FMNL2: variants seen among roughly 807,000 people sequenced by gnomAD.
The protein encoded by FMNL2 is formin-like protein 2.
In FMNL2, 51 loss-of-function variants were observed where a neutral mutation model predicts 130.2. That is an observed-to-expected ratio of 0.39 (90% CI 0.31 to 0.49). The LOEUF (loss-of-function observed/expected upper bound fraction) is 0.49, where lower values mean the gene tolerates loss of function less well. FMNL2 is among the 20% of genes least tolerant of loss of function. The pLI is 0.85. For missense variants in FMNL2, 977 were observed against 1,316.2 expected, an observed-to-expected ratio of 0.74 and a Z score of 3.99; for synonymous variants, 465 against 467.1, an observed-to-expected ratio of 1.00 and a Z score of 0.06.
chr2:152,401,694 C>T (rs1314312545), intron 1 of FMNL2, among the ~76,000 whole-genome samples: 1 of 152,020 alleles, frequency 6.6e-6, no homozygotes, highest in Admixed American at 6.5e-5. Flanking sequence ...CAGGTTGGGG[C>T]TTTTTTCCAT....
At chr2:152,402,055 A>G (rs575211228) in intron 1 of FMNL2, among the ~76,000 whole-genome samples, 328 of 151,946 alleles carry the variant, frequency 2.2e-3, no homozygotes, top group South Asian at 0.01. Flanking sequence ...CTACAGGCAC[A>G]TGCCACCCAG....
intron 8 of FMNL2, among the ~76,000 whole-genome samples, chr2:152,580,084 T>G (rs1696697437): frequency 6.6e-6 from 1 of 152,268 alleles, no homozygotes; most frequent in Non-Finnish European, 1.5e-5. Context: ...CTTCGTTTAC[T>G]AGAGTCCTAA....
intron 1 of FMNL2, among the ~76,000 whole-genome samples, chr2:152,520,980 T>G (rs1368979295): frequency 6.6e-6 from 1 of 152,144 alleles, no homozygotes; most frequent in Admixed American, 6.6e-5. Context: ...TAGGAATAGG[T>G]GTGACTTAGA....
At chr2:152,347,981 G>A (rs1682225161) in intron 1 of FMNL2, among the ~76,000 whole-genome samples, 1 of 150,134 alleles carries the variant, frequency 6.7e-6, no homozygotes, top group African/African-American at 2.5e-5. Context: ...TTAGGCCTGT[G>A]CTTTCTCTCC....
Position 152,456,643 on chromosome 2 carries a change from G to A in FMNL2, c.118-65300G>A, listed in dbSNP as rs1579708959. ...TTGTTACAATATGGAGAGAAGTGGT[G>A]TATTTTGAAAACATTTGGGGCCGGG... On this transcript the variant is annotated intron_variant, in intron 1 of 25. Coordinates refer to ENST00000288670, the MANE Select transcript of FMNL2 (RefSeq NM_052905.4). Among the ~76,000 whole-genome samples, 3 of 152,206 alleles carry A rather than the reference G, an allele frequency of 2.0e-5. No homozygotes were observed. In the South Asian group the frequency reaches 6.2e-4, roughly 32 times the overall value.
At chr2:152,349,406 G>A (rs984302233) in intron 1 of FMNL2, among the ~76,000 whole-genome samples, 6 of 152,174 alleles carry the variant, frequency 3.9e-5, no homozygotes, top group Non-Finnish European at 7.3e-5. Flanking sequence ...TGTTAACGTG[G>A]CCACTACCCA....
intron 1 of FMNL2, among the ~76,000 whole-genome samples, chr2:152,483,743 C>T (rs1690661783): frequency 6.6e-6 from 1 of 152,242 alleles, no homozygotes; most frequent in Non-Finnish European, 1.5e-5. Flanking sequence ...GCCAAGGCGC[C>T]AGCACTGCAA....
intron 21 of FMNL2, among the ~76,000 whole-genome samples, chr2:152,635,610 C>G (rs1452088839): frequency 6.6e-6 from 1 of 152,214 alleles, no homozygotes; most frequent in African/African-American, 2.4e-5. Context: ...ACTGCAGTTA[C>G]TTTTGCACCA....
chr2:152,551,034 G>A (rs566018590), intron 4 of FMNL2, among the ~76,000 whole-genome samples: 3 of 151,764 alleles, frequency 2.0e-5, no homozygotes, highest in African/African-American at 7.3e-5. Context: ...AGCTGCTTGG[G>A]AGGCTGAGGC....
intron 2 of FMNL2, among the ~76,000 whole-genome samples, chr2:152,534,972 A>G (rs1326166144): frequency 6.6e-6 from 1 of 152,174 alleles, no homozygotes; most frequent in Non-Finnish European, 1.5e-5. Context: ...CCAAGAAACT[A>G]TGGCTGTGGA....
intron 23 of FMNL2, among the ~76,000 whole-genome samples, chr2:152,638,562 T>C (rs924580858): frequency 1.3e-5 from 2 of 152,180 alleles, no homozygotes; most frequent in African/African-American, 4.8e-5. Context: ...ACTCAGAAAG[T>C]CAAAATATTC....
intron 6 of FMNL2, among the ~76,000 whole-genome samples, chr2:152,565,962 G>C (rs1695813146): frequency 6.6e-6 from 1 of 152,116 alleles, no homozygotes; most frequent in Non-Finnish European, 1.5e-5. Context: ...AATTTTTTCT[G>C]TAGAGAGACG....
At chr2:152,379,011 A>G (rs1056015124) in intron 1 of FMNL2, among the ~76,000 whole-genome samples, 1 of 151,008 alleles carries the variant, frequency 6.6e-6, no homozygotes, top group Non-Finnish European at 1.5e-5. Context: ...AAAAAAAAAA[A>G]AGCCAGGGCA....
At chr2:152,378,403 A>G (rs10179391) in intron 1 of FMNL2, among the ~76,000 whole-genome samples, 7,246 of 152,286 alleles carry the variant, frequency 0.048, 303 homozygotes, top group African/African-American at 0.1. Flanking sequence ...GCTCTGGAAG[A>G]ACTATATCTT....
intron 6 of FMNL2, among the ~76,000 whole-genome samples, chr2:152,562,113 A>G (rs1281619806): frequency 1.3e-5 from 2 of 152,114 alleles, no homozygotes; most frequent in Non-Finnish European, 1.5e-5. Flanking sequence ...GATAAATCAA[A>G]CTCCTGCCTA....
chr2:152,476,900 T>C (rs1690181954), intron 1 of FMNL2, among the ~76,000 whole-genome samples: 1 of 152,022 alleles, frequency 6.6e-6, no homozygotes, highest in Admixed American at 6.6e-5. Context: ...ATAGGAAGAG[T>C]TCTAAGCTGT....
At chr2:152,385,065 A>C (rs1684704332) in intron 1 of FMNL2, among the ~76,000 whole-genome samples, 1 of 152,320 alleles carries the variant, frequency 6.6e-6, no homozygotes, top group African/African-American at 2.4e-5. Context: ...AGTAATGAGA[A>C]TTTTAATCTA....
intron 1 of FMNL2, among the ~76,000 whole-genome samples, chr2:152,379,555 T>C (rs984511499): frequency 1.3e-5 from 2 of 152,202 alleles, no homozygotes; most frequent in African/African-American, 4.8e-5. Context: ...TTTAATTTGA[T>C]CTTAAATTTG....
At chr2:152,631,056 T>G (rs1682123717) in intron 20 of FMNL2, among the ~76,000 whole-genome samples, 1 of 152,122 alleles carries the variant, frequency 6.6e-6, no homozygotes, top group African/African-American at 2.4e-5. Flanking sequence ...AAGTTGAATT[T>G]ATAAATTAGG....
Sources: gnomAD v4.1 joint callset for allele counts (sites outside exome capture counted in the v4.1 genomes callset) on GRCh38, gnomAD v4.1.1 for gene constraint, MANE v1.5 for transcripts, NCBI Gene and HGNC (gene_info 2026-07-23, HGNC 2026-07-21) for gene names.